DST: variants seen among roughly 807,000 people sequenced by gnomAD.
DST encodes bullous pemphigoid antigen.
A neutral mutation model predicts 875.2 loss-of-function variants in DST; 253 were observed. The observed-to-expected ratio is 0.29, with a 90% CI of 0.26 to 0.32. DST has a LOEUF of 0.32. DST is among the 10% of genes least tolerant of loss of function. DST has a pLI of 1.00. For synonymous variants in DST, 3,124 were observed against 3,197.1 expected (o/e 0.98, Z 0.77); for missense variants, 8,287 against 9,111.6 (o/e 0.91, Z 3.68).
At chr6:56,618,484 G>C (rs936128413) in intron 36 of DST, 1 of 1,614,100 alleles carries the variant, frequency 6.2e-7, no homozygotes, top group Admixed American at 1.7e-5. Context: ...TGATCTGTTG[G>C]TCCATTTTTT....
chr6:56,855,631 C>A (rs1481337654), intron 3 of DST, among the ~76,000 whole-genome samples: 2 of 152,172 alleles, frequency 1.3e-5, no homozygotes, highest in African/African-American at 2.4e-5. Flanking sequence ...TTATTGTAGA[C>A]CTTACAAATT....
chr6:56,594,198 G>A lies in DST; in HGVS notation c.12196-5C>T. On this transcript the variant is annotated splice_polypyrimidine_tract_variant and splice_region_variant and intron_variant, in intron 47 of 103. Coordinates refer to ENST00000680361, the MANE Select transcript of DST (RefSeq NM_001374736.1). ...GATGATCTTCTCGTGTTGGGCCTAT[G>A]TGAAAACAAATTGATCATAATCTTC... 1 of 1,510,842 alleles carries A rather than the reference G, an allele frequency of 6.6e-7. No homozygotes were observed. Among genetic ancestry groups the A allele is most frequent in the Non-Finnish European group, 8.8e-7 (1 of 1,136,832 alleles). 93.6% of individuals were successfully genotyped at this position (1,510,842 alleles called of 1,614,324 possible).
intron 4 of DST, among the ~76,000 whole-genome samples, chr6:56,803,078 T>C (rs576499416): frequency 6.6e-6 from 1 of 152,206 alleles, no homozygotes; most frequent in Non-Finnish European, 1.5e-5. Flanking sequence ...GCTAAATGCT[T>C]TACATAAATC....
At chr6:56,851,120 A>T in intron 4 of DST, 1 of 471,882 alleles carries the variant, frequency 2.1e-6, no homozygotes, top group South Asian at 4.1e-5. Flanking sequence ...TAATTAGGAA[A>T]GTTTAGTGCA....
Position 56,631,967 on chromosome 6 carries a change from A to G in DST, c.3879T>C (p.Cys1293=), listed in dbSNP as rs765866993. 2 of 1,613,680 alleles carry G rather than the reference A, an allele frequency of 1.2e-6. No homozygotes were observed. Among genetic ancestry groups the G allele is most frequent in the Non-Finnish European group, 1.7e-6 (2 of 1,179,582 alleles). ...GAATCTGTCTAATCAGCCGATCTTCACAGTTCTCTAACCGAAGTCTAATGT... is the reference window on the plus strand; with the variant it reads ...GAATCTGTCTAATCAGCCGATCTTCGCAGTTCTCTAACCGAAGTCTAATGT... ...VRNIRLRLEN[C]EDRLIRQIRT... Residue 1293 remains cysteine (C), a synonymous_variant, in exon 29 of 104, where the codon TGT becomes TGC. Transcript: ENST00000680361.
In DST at chr6:56,557,641, C is replaced by T. The variant is rs572988138; in HGVS notation, c.14441-123G>A. The T allele has an allele frequency of 1.4e-3, 1,035 of 755,852 alleles. 2 individuals are homozygous for T. Among genetic ancestry groups the T allele is most frequent in the Non-Finnish European group, 1.9e-3 (907 of 478,976 alleles). 46.8% of individuals were successfully genotyped at this position (755,852 alleles called of 1,614,324 possible). A position where few individuals can be genotyped will look rare whatever the true frequency, so the allele number is the denominator to read the frequency against. On this transcript the variant is annotated intron_variant, in intron 58 of 103. Transcript: ENST00000680361. ...TGGCTATAATCCCATTTTTATGACT[C>T]TTGTTACATAGTTACTTAAAGGACT...
rs745540005 is a variant in DST at position 56,477,423 on chromosome 6, G to A, written c.21597C>T (p.Thr7199=). The change falls in exon 91 of 104, where the codon ACC becomes ACT. Residue 7199 remains threonine (T), a synonymous_variant. Coordinates refer to ENST00000680361, the MANE Select transcript of DST (RefSeq NM_001374736.1). ...AGTCGGGGTGGCAGATAGCCAAAACGGTGTCGCCCATAGTGGTGGCTTTAT... is the reference window on the plus strand; with the variant it reads ...AGTCGGGGTGGCAGATAGCCAAAACAGTGTCGCCCATAGTGGTGGCTTTAT... ...ELNKATTMGD[T]VLAICHPDSI... 1.5e-5 allele frequency: 25 copies of A among 1,613,820 alleles called. No homozygotes were observed. The highest frequency in any genetic ancestry group is 4.5e-5 in the East Asian group (2 of 44,888).
At chr6:56,621,210 T>C (rs2152741363) in intron 36 of DST, among the ~76,000 whole-genome samples, 2 of 152,186 alleles carry the variant, frequency 1.3e-5, no homozygotes, top group African/African-American at 4.8e-5. Context: ...CTAATAGAAA[T>C]TAAAAATGAT....
At chr6:56,794,846 T>G (rs1306291914) in intron 4 of DST, among the ~76,000 whole-genome samples, 1 of 152,124 alleles carries the variant, frequency 6.6e-6, no homozygotes, top group Non-Finnish European at 1.5e-5. Flanking sequence ...AAGAGTACTC[T>G]CTAAGGAATA....
intron 4 of DST, among the ~76,000 whole-genome samples, chr6:56,825,706 G>A (rs977527031): frequency 2.0e-5 from 3 of 152,108 alleles, no homozygotes; most frequent in Non-Finnish European, 4.4e-5. Context: ...AGAAAAAGAA[G>A]TTGTACTATA....
chr6:56,634,348 G>C, intron 26 of DST, 90 bp from the exon 27 acceptor site: 1 of 1,607,016 alleles, frequency 6.2e-7, no homozygotes, highest in Non-Finnish European at 8.5e-7. Context: ...ATATTCCACG[G>C]ATGAGTTCTA....
In DST at chr6:56,640,532, G is replaced by A; in HGVS notation, c.2101C>T (p.Leu701=). 6.2e-7 allele frequency: 1 copy of A among 1,614,210 alleles called. No homozygotes were observed. The highest frequency in any genetic ancestry group is 1.3e-5 in the African/African-American group (1 of 75,068). Residue 701 remains leucine, a synonymous_variant, in exon 18 of 104, where the codon CTG becomes TTG. Transcript: ENST00000680361. ...CSSVYSKGRI[L]TTEQTKLMIS... ...ATGAGCTTTGTCTGTTCTGTTGTCA[G>A]TATGCGTCCTTTGCTGTACACAGAA...
intron 4 of DST, among the ~76,000 whole-genome samples, chr6:56,785,133 C>T (rs984713805): frequency 6.6e-6 from 1 of 152,166 alleles, no homozygotes; most frequent in Non-Finnish European, 1.5e-5. Context: ...TCAGTCTGCC[C>T]CTACTGGGGG....
In DST at chr6:56,497,725, T is replaced by C. The variant is rs569561417; in HGVS notation, c.20094+131A>G. 5.1e-6 allele frequency: 5 copies of C among 987,484 alleles called. No individual in the cohort carries two copies. In the East Asian group the frequency reaches 1.3e-4, roughly 26 times the overall value. The allele number at this position is 987,484 out of a possible 1,614,324, so 61.2% of individuals were successfully genotyped here. On this transcript the variant is annotated intron_variant, in intron 81 of 103. Transcript: ENST00000680361. ...TGTTCTCTTCTGCTGTTCTGTTCTTTATTTCACTTATTTTTACTCCTCTCC... is the reference window on the plus strand; with the variant it reads ...TGTTCTCTTCTGCTGTTCTGTTCTTCATTTCACTTATTTTTACTCCTCTCC...
chr6:56,647,692 T>TC lies in DST; in HGVS notation c.1554+877_1554+878insG, dbSNP rs1196287296. 2.6e-5 allele frequency among the ~76,000 whole-genome samples: 4 copies of TC among 151,738 alleles called. No individual in the cohort carries two copies. In the East Asian group the frequency reaches 7.7e-4, roughly 29 times the overall value. ...TTTGTAATGGCTTTTTGTAATGTTTTTTTTTTTTTTTGAGACGGAGTCTTG... is the reference window on the plus strand; with the variant it reads ...TTTGTAATGGCTTTTTGTAATGTTTTCTTTTTTTTTTTGAGACGGAGTCTTG... On this transcript the variant is annotated intron_variant, in intron 13 of 103. Transcript: ENST00000680361.
rs750180346 is a variant in DST, at chr6:56,529,600, G to C, written c.17443C>G (p.Leu5815Val). The change falls in exon 66 of 104, where the codon CTC becomes GTC. Residue 5815 changes from leucine to valine, a missense_variant. Physicochemically the swap from Leu to Val is conservative, Grantham distance 32. Around this residue, in one of 10 missense-constraint regions of DST, gnomAD observed 777 missense variants for 764.8 expected, o/e 1.02. Transcript: ENST00000680361. ...GCATTACATAAGGCCTGCTGGAGGAGCTCAGACCTGCTGTGACTTTTCTCT... is the reference window on the plus strand; with the variant it reads ...GCATTACATAAGGCCTGCTGGAGGACCTCAGACCTGCTGTGACTTTTCTCT... Reference protein sequence around the residue: ...IQEKSHSRSELLQQALCNAKI... With the variant: ...IQEKSHSRSEVLQQALCNAKI... 1 of 1,613,736 alleles carries C rather than the reference G, an allele frequency of 6.2e-7. No homozygotes were observed. The highest frequency in any genetic ancestry group is 1.7e-5 in the Admixed American group (1 of 60,004).
rs1159770672 is a variant in DST at position 56,843,709 on chromosome 6, GGGT to G, written c.625+7685_625+7687del. On this transcript the variant is annotated intron_variant, in intron 4 of 103. Coordinates refer to ENST00000680361, the MANE Select transcript of DST (RefSeq NM_001374736.1). ...GCGCCGGGGAGAGAGGGAGGGAGGA[GGGT>G]GGAGGGTGGAGGGTGGAGAGTGGAG... 7.0e-5 allele frequency: 25 copies of G among 356,362 alleles called. 1 individual carries two copies. The highest frequency in any genetic ancestry group is 2.7e-4 in the Admixed American group (4 of 14,762). The allele number at this position is 356,362 out of a possible 1,614,324, so 22.1% of individuals were successfully genotyped here.
intron 58 of DST, among the ~76,000 whole-genome samples, chr6:56,557,957 C>T (rs1170493431): frequency 6.6e-6 from 1 of 152,140 alleles, no homozygotes; most frequent in East Asian, 1.9e-4. Flanking sequence ...TCAAATTACA[C>T]ATTAACAACC....
Position 56,463,029 on chromosome 6 carries a change from C to T in DST, c.23070+17G>A, listed in dbSNP as rs755243923. 8 of 1,473,224 alleles carry T rather than the reference C, an allele frequency of 5.4e-6. No homozygotes were observed. The Admixed American group carries it at 1.4e-4, about 25-fold the overall frequency. 91.3% of individuals were successfully genotyped at this position (1,473,224 alleles called of 1,614,324 possible). On this transcript the variant is annotated intron_variant, in intron 102 of 103. Transcript: ENST00000680361. ...TAAAGGAGAATGTTAAGACTGGACT[C>T]TGGGGCCTTACAATACCTCTGCAGA...
Sources: gnomAD v4.1 joint callset for allele counts (sites outside exome capture counted in the v4.1 genomes callset) on GRCh38, gnomAD v4.1.1 for gene constraint, gnomAD v4.1.1 regional missense constraint, MANE v1.5 for transcripts, NCBI Gene and HGNC (gene_info 2026-07-23, HGNC 2026-07-21) for gene names.